GPR35: variants seen among roughly 807,000 people sequenced by gnomAD.
GPR35 encodes the protein KYNA receptor.
For synonymous variants in GPR35, 207 were observed against 198.4 expected (o/e 1.04, Z -0.36); for missense variants, 372 against 422.5 (o/e 0.88, Z 1.05).
At position 240,631,698 on chromosome 2, in the gene GPR35, G is replaced by A. The variant is rs889488908; in HGVS notation, c.*816G>A. 1.3e-5 allele frequency among the ~76,000 whole-genome samples: 2 copies of A among 152,192 alleles called. No homozygotes were observed. The highest frequency in any genetic ancestry group is 3.2e-3 in the Middle Eastern group (1 of 316). On this transcript the variant is annotated 3_prime_UTR_variant, in exon 2 of 2. Transcript: ENST00000407714. ...GGGCAGGGGTTGGGTGCCCACTCAG[G>A]TAAAGGCACGATGTCCTGCTGGTTT...
intron 1 of GPR35, among the ~76,000 whole-genome samples, chr2:240,625,830 T>TCTCAGAGTGGGGTGAAGCTCTGATGGG (rs2043366640): frequency 6.2e-4 from 10 of 16,174 alleles, no homozygotes; most frequent in Admixed American, 1.2e-3. Flanking sequence ...CTGTGATGGG[T>TCTCAGAGTGGGGTGAAGCTCTGATGGG]GTCTCAGAGT....
chr2:240,625,564 T>C lies in GPR35; in HGVS notation c.-9T>C. 1 of 985,372 alleles carries C rather than the reference T, an allele frequency of 1.0e-6. No individual in the cohort carries two copies. The highest frequency in any genetic ancestry group is 1.2e-6 in the Non-Finnish European group (1 of 830,038). 61.0% of individuals were successfully genotyped at this position (985,372 alleles called of 1,614,324 possible). On this transcript the variant is annotated 5_prime_UTR_variant, in exon 1 of 2. Transcript: ENST00000407714. ...CTCCACCCGGGAGGCCAAAGCTGCC[T>C]GCAGGTCAGTGCCGCCCACTGCCCT...
chr2:240,606,903 A>G (rs2043139956), intron 2 of GPR35, among the ~76,000 whole-genome samples: 1 of 152,182 alleles, frequency 6.6e-6, no homozygotes, highest in African/African-American at 2.4e-5. Context: ...TAACATACAT[A>G]TGTTTGAAAT....
At chr2:240,621,178 G>A (rs1243050661), upstream of GPR35, among the ~76,000 whole-genome samples, 2 of 152,240 alleles carry the variant, frequency 1.3e-5, no homozygotes, top group African/African-American at 2.4e-5. Context: ...CACTGGCCTC[G>A]GGGGCACAGC....
chr2:240,613,829 C>A (rs962247475), intron 2 of GPR35, among the ~76,000 whole-genome samples: 1 of 150,794 alleles, frequency 6.6e-6, no homozygotes, highest in South Asian at 2.1e-4. Context: ...AACACTAACT[C>A]CAACTACAAC....
chr2:240,621,789 C>T (rs564747881), upstream of GPR35, among the ~76,000 whole-genome samples: 1 of 152,300 alleles, frequency 6.6e-6, no homozygotes, highest in Non-Finnish European at 1.5e-5. Flanking sequence ...GGGGAACACC[C>T]CAGCTTTAAC....
At chr2:240,607,850 C>T (rs2043149705) in intron 2 of GPR35, among the ~76,000 whole-genome samples, 1 of 151,252 alleles carries the variant, frequency 6.6e-6, no homozygotes, top group African/African-American at 2.4e-5. Context: ...TCTCTTCCTC[C>T]TCCTCCTCCT....
rs75983771 is a variant in GPR35 at position 240,608,925 on chromosome 2, C to T, written c.-577+2313C>T. 8.5e-5 allele frequency among the ~76,000 whole-genome samples: 13 copies of T among 152,252 alleles called. No individual in the cohort carries two copies. The East Asian group carries it at 2.3e-3, about 27-fold the overall frequency. ...AACTTTAATAGATATAAGCTTGTTACATTTTATTTTTCTTGTGTAAATTTT... is the reference window on the plus strand; with the variant it reads ...AACTTTAATAGATATAAGCTTGTTATATTTTATTTTTCTTGTGTAAATTTT... On this transcript the variant is annotated intron_variant, in intron 2 of 5. Transcript: ENST00000319838.
chr2:240,624,578 C>G (rs537553348), upstream of GPR35, among the ~76,000 whole-genome samples: 1 of 152,186 alleles, frequency 6.6e-6, no homozygotes, highest in Non-Finnish European at 1.5e-5. Context: ...CCTGGGCGTC[C>G]GTTTCCACCG....
chr2:240,624,615 A>T (rs951039610), upstream of GPR35, among the ~76,000 whole-genome samples: 33 of 152,106 alleles, frequency 2.2e-4, no homozygotes, highest in African/African-American at 7.5e-4. Context: ...GGTGAAACTG[A>T]AGCTCTCCCC....
chr2:240,616,472 T>C (rs758634561), exon 3 of GPR35: 2 of 780,872 alleles, frequency 2.6e-6, no homozygotes, highest in South Asian at 2.7e-5. Context: ...GCCAATCTCC[T>C]GTCGACTGCG....
At chr2:240,606,938 A>T (rs73005852) in intron 2 of GPR35, among the ~76,000 whole-genome samples, 5,114 of 152,260 alleles carry the variant, frequency 0.034, 104 homozygotes, top group Middle Eastern at 0.14. Context: ...AGTCTCGAGG[A>T]TGAATTGGAA....
At chr2:240,625,827 G>A (rs2043366482) in intron 1 of GPR35, among the ~76,000 whole-genome samples, 1 of 113,432 alleles carries the variant, frequency 8.8e-6, no homozygotes. Flanking sequence ...AGGCTGTGAT[G>A]GGTGTCTCAG....
At chr2:240,622,759 G>T (rs986369822), upstream of GPR35, among the ~76,000 whole-genome samples, 1 of 152,204 alleles carries the variant, frequency 6.6e-6, no homozygotes, top group African/African-American at 2.4e-5. Flanking sequence ...CCAGCGGGGT[G>T]AAGTGGGAGG....
Position 240,630,451 on chromosome 2 carries a change from C to T in GPR35, c.499C>T (p.Arg167Trp), listed in dbSNP as rs149473120. 5.9e-5 allele frequency: 95 copies of T among 1,612,770 alleles called. No homozygotes were observed. In the Middle Eastern group the frequency reaches 6.6e-4, roughly 11 times the overall value. The change falls in exon 2 of 2, where the codon CGG becomes TGG. Residue 167 changes from arginine to tryptophan, a missense_variant. Transcript: ENST00000407714. ...QEGGFCFRST[R>W]HNFNSMAFPL... ...GGGCGGCTTCTGCTTCAGGAGCACC[C>T]GGCACAATTTCAACTCCATGGCGTT... is the stretch of plus-strand genomic sequence containing the variant.
At chr2:240,613,473 A>G (rs1438974654) in intron 2 of GPR35, among the ~76,000 whole-genome samples, 2 of 152,098 alleles carry the variant, frequency 1.3e-5, no homozygotes, top group Non-Finnish European at 2.9e-5. Flanking sequence ...AATGCTAATC[A>G]TAAACCTAAA....
upstream of GPR35, among the ~76,000 whole-genome samples, chr2:240,621,984 C>T (rs188156971): frequency 2.8e-4 from 43 of 152,228 alleles, no homozygotes; most frequent in African/African-American, 6.7e-4. Flanking sequence ...GTGCTCCTCC[C>T]GCCTTAGCCT....
upstream of GPR35, among the ~76,000 whole-genome samples, chr2:240,624,578 C>A (rs537553348): frequency 2.0e-5 from 3 of 152,186 alleles, no homozygotes; most frequent in African/African-American, 7.2e-5. Context: ...CCTGGGCGTC[C>A]GTTTCCACCG....
rs1165699131 is a variant in GPR35, at chr2:240,616,584, T to C, written c.-453+73T>C. Reference sequence around the variant, plus strand: ...CATTTCTGCCAGGGGGCTCATGATATCTGGTGGTCTCTTTGTGAGGCCAGC... The same window carrying C: ...CATTTCTGCCAGGGGGCTCATGATACCTGGTGGTCTCTTTGTGAGGCCAGC... On this transcript the variant is annotated intron_variant, in intron 3 of 5. Transcript: ENST00000319838. 6.9e-6 allele frequency: 5 copies of C among 725,140 alleles called. No individual in the cohort carries two copies. In the Admixed American group the frequency reaches 9.3e-5, roughly 13 times the overall value. 44.9% of individuals were successfully genotyped at this position (725,140 alleles called of 1,614,324 possible). A position where few individuals can be genotyped will look rare whatever the true frequency, so the allele number is the denominator to read the frequency against.
Sources: gnomAD v4.1 joint callset for allele counts (sites outside exome capture counted in the v4.1 genomes callset) on GRCh38, gnomAD v4.1.1 for gene constraint, MANE v1.5 for transcripts, NCBI Gene and HGNC (gene_info 2026-07-23, HGNC 2026-07-21) for gene names.